PNRC2: variants seen among roughly 807,000 people sequenced by gnomAD.
The protein encoded by PNRC2 is proline rich nuclear receptor coactivator 2.
PNRC2 carries 2 observed loss-of-function variants against 12.2 expected under a neutral mutation model. That is an observed-to-expected ratio of 0.16 (90% CI 0.07 to 0.52). PNRC2 has a LOEUF of 0.52. PNRC2 is among the 20% of genes least tolerant of loss of function. PNRC2 has a pLI of 0.95. For missense variants in PNRC2, 115 were observed against 158.4 expected, an observed-to-expected ratio of 0.73 and a Z score of 1.47; for synonymous variants, 44 against 53.9, an observed-to-expected ratio of 0.82 and a Z score of 0.80.
intron 2 of PNRC2, 23 bp from the exon 3 acceptor site, chr1:23,961,417 T>C: frequency 6.7e-7 from 1 of 1,489,656 alleles, no homozygotes; most frequent in Non-Finnish European, 9.0e-7. Context: ...TTTTACTCAA[T>C]ATTTGTTTCC....
In PNRC2 at chr1:23,961,762, C is replaced by T. The variant is rs773010998; in HGVS notation, c.305C>T (p.Pro102Leu). 6.2e-7 allele frequency: 1 copy of T among 1,613,960 alleles called. No individual in the cohort carries two copies. Among genetic ancestry groups the T allele is most frequent in the East Asian group, 2.2e-5 (1 of 44,890 alleles). Residue 102 changes from proline to leucine, a missense_variant, in exon 3 of 3, where the codon CCA (proline) becomes CTA (leucine). By Grantham distance (98) the Pro-to-Leu change is moderately conservative (BLOSUM62 -3). This residue lies in a region of PNRC2 where 17 missense variants were observed against 46.0 expected (regional missense o/e 0.37). Coordinates refer to ENST00000334351, the MANE Select transcript of PNRC2 (RefSeq NM_017761.4). ...GCTGGTGCCAAATTTAGTGAGCCGC[C>T]ATCACCAAGTGTTCTTCCCAAACCA... Reference protein sequence around the residue: ...NYAGAKFSEPPSPSVLPKPPS... With the variant: ...NYAGAKFSEPLSPSVLPKPPS...
intron 1 of PNRC2, among the ~76,000 whole-genome samples, 187 bp downstream of exon 1, chr1:23,960,185 C>G (rs1206673624): frequency 6.6e-6 from 1 of 152,140 alleles, no homozygotes; most frequent in Non-Finnish European, 1.5e-5. Flanking sequence ...GCCCTTGTGG[C>G]GTCGGAGGAG....
intron 1 of PNRC2, 149 bp from the exon 2 acceptor site, chr1:23,960,780 T>A: frequency 2.6e-6 from 1 of 383,516 alleles, no homozygotes; most frequent in Non-Finnish European, 4.6e-6. Flanking sequence ...GTCGTGGTTA[T>A]AAGGTCAAAG....
upstream of PNRC2, chr1:23,959,810 C>G (rs6693651): frequency 6.6e-6 from 1 of 152,288 alleles, no homozygotes; most frequent in East Asian, 1.9e-4. Context: ...CTTCTGCAGT[C>G]GCTGCCGACT....
At chr1:23,960,527 A>G (rs966896534) in intron 1 of PNRC2, among the ~76,000 whole-genome samples, 7 of 152,012 alleles carry the variant, frequency 4.6e-5, no homozygotes, top group Non-Finnish European at 8.8e-5. Context: ...TGGATGTGAC[A>G]TGTGTGGAAA....
chr1:23,963,438 C>T lies in PNRC2; in HGVS notation c.*1561C>T, dbSNP rs1641319085. On this transcript the variant is annotated 3_prime_UTR_variant, in exon 3 of 3. Transcript: ENST00000334351. ...CATAAAATTAAATAAAATTTTTCCC[C>T]ATTGGCTTGGTTTTATTTTAAAAAT... The T allele has an allele frequency of 6.0e-6, 1 of 165,342 alleles. No homozygotes were observed. The allele number at this position is 165,342 out of a possible 1,614,324, so 10.2% of individuals were successfully genotyped here.
chr1:23,961,303 T>C (rs1469590366), intron 2 of PNRC2, 137 bp from the exon 3 acceptor site: 7 of 602,194 alleles, frequency 1.2e-5, no homozygotes, highest in Non-Finnish European at 2.0e-5. Context: ...TTTTTGAGTT[T>C]AAAGCAGCTG....
chr1:23,961,361 G>T, intron 2 of PNRC2, 79 bp from the exon 3 acceptor site: 1 of 1,006,206 alleles, frequency 9.9e-7, no homozygotes, highest in African/African-American at 1.6e-5. Context: ...GTTATAAGTT[G>T]GAGCCATAGA....
At chr1:23,961,271 A>ATTGAAGTC (rs1236686827) in intron 2 of PNRC2, 137 bp downstream of exon 2, 5 of 542,864 alleles carry the variant, frequency 9.2e-6, no homozygotes, top group Non-Finnish European at 1.6e-5. Flanking sequence ...TTGTGCATAT[A>ATTGAAGTC]TTGAAGTCTG....
intron 1 of PNRC2, among the ~76,000 whole-genome samples, chr1:23,960,319 CTTA>C (rs1194548552): frequency 2.0e-5 from 3 of 152,226 alleles, no homozygotes; most frequent in Non-Finnish European, 2.9e-5. Context: ...TATTTGGTAA[CTTA>C]TTTTCTTGGA....
rs1323047561 is a variant in PNRC2 at position 23,962,880 on chromosome 1, CCTAGTGTAATAAGTTTT to C, written c.*1004_*1020del. 1 of 166,096 alleles carries C rather than the reference CCTAGTGTAATAAGTTTT, an allele frequency of 6.0e-6. No homozygotes were observed. Among genetic ancestry groups the C allele is most frequent in the Non-Finnish European group, 1.5e-5 (1 of 67,856 alleles). 10.3% of individuals were successfully genotyped at this position (166,096 alleles called of 1,614,324 possible). A position where few individuals can be genotyped will look rare whatever the true frequency, so the allele number is the denominator to read the frequency against. ...TTGTAAACTATATTTCAAAGTAAACCCTAGTGTAATAAGTTTTATAACTAAAAAGGTTTAAGCTGCTA... is the reference window on the plus strand; with the variant it reads ...TTGTAAACTATATTTCAAAGTAAACCATAACTAAAAAGGTTTAAGCTGCTA... On this transcript the variant is annotated 3_prime_UTR_variant, in exon 3 of 3. Transcript: ENST00000334351.
chr1:23,960,591 C>A (rs959405736), intron 1 of PNRC2, among the ~76,000 whole-genome samples: 5 of 152,210 alleles, frequency 3.3e-5, no homozygotes, highest in African/African-American at 1.2e-4. Flanking sequence ...GAAAATCCGC[C>A]TGAAGCCAAT....
At chr1:23,959,487 T>A (rs1641235789), upstream of PNRC2, among the ~76,000 whole-genome samples, 1 of 152,116 alleles carries the variant, frequency 6.6e-6, no homozygotes, top group East Asian at 1.9e-4. Context: ...GGTCAGTCTT[T>A]TCCCCCAGGG....
chr1:23,960,451 G>C (rs908430241), intron 1 of PNRC2, among the ~76,000 whole-genome samples: 1 of 152,152 alleles, frequency 6.6e-6, no homozygotes, highest in Non-Finnish European at 1.5e-5. Flanking sequence ...AGACGGGGAG[G>C]AGGCGAGAGC....
chr1:23,959,246 G>C (rs1444390233), upstream of PNRC2: 2 of 152,116 alleles, frequency 1.3e-5, no homozygotes, highest in East Asian at 3.9e-4. Context: ...TCACAGGGAG[G>C]CAACTTTTGA....
rs1010114899 is a variant in PNRC2, at chr1:23,962,338, T to G, written c.*461T>G. 9 of 170,562 alleles carry G rather than the reference T, an allele frequency of 5.3e-5. No individual in the cohort carries two copies. Among genetic ancestry groups the G allele is most frequent in the African/African-American group, 2.2e-4 (9 of 41,380 alleles). 10.6% of individuals were successfully genotyped at this position (170,562 alleles called of 1,614,324 possible). A position where few individuals can be genotyped will look rare whatever the true frequency, so the allele number is the denominator to read the frequency against. Reference sequence around the variant, plus strand: ...GAAAGAAAATGTGAATTTTTCGTAATAATTGCATTTTAGTGAATTGTACAG... The same window carrying G: ...GAAAGAAAATGTGAATTTTTCGTAAGAATTGCATTTTAGTGAATTGTACAG... On this transcript the variant is annotated 3_prime_UTR_variant, in exon 3 of 3. Coordinates refer to ENST00000334351, the MANE Select transcript of PNRC2 (RefSeq NM_017761.4).
In PNRC2 at chr1:23,963,088, T is replaced by G. The variant is rs922931458; in HGVS notation, c.*1211T>G. On this transcript the variant is annotated 3_prime_UTR_variant, in exon 3 of 3. Coordinates refer to ENST00000334351, the MANE Select transcript of PNRC2 (RefSeq NM_017761.4). ...AGTATGGTGCCAGTGATGTTTTGTTTTTGTTTGGTCAAGGGGTAGGTGCAA... is the reference window on the plus strand; with the variant it reads ...AGTATGGTGCCAGTGATGTTTTGTTGTTGTTTGGTCAAGGGGTAGGTGCAA... 3 of 167,134 alleles carry G rather than the reference T, an allele frequency of 1.8e-5. No individual in the cohort carries two copies. In the South Asian group the frequency reaches 6.2e-4, roughly 35 times the overall value. 10.4% of individuals were successfully genotyped at this position (167,134 alleles called of 1,614,324 possible). A position where few individuals can be genotyped will look rare whatever the true frequency, so the allele number is the denominator to read the frequency against.
chr1:23,961,551 C>G lies in PNRC2; in HGVS notation c.94C>G (p.Gln32Glu). Residue 32 changes from glutamine to glutamate, a missense_variant, in exon 3 of 3, where the codon CAG becomes GAG. Coordinates refer to ENST00000334351, the MANE Select transcript of PNRC2 (RefSeq NM_017761.4). ...GCTTAACAGACAGAAGACCAAGGAA[C>G]AGAATTCCCAGATGAAGATTGTTCA... ...QQLNRQKTKEQNSQMKIVHKK... is the reference protein window; with the variant it reads ...QQLNRQKTKEENSQMKIVHKK... The G allele has an allele frequency of 6.2e-7, 1 of 1,613,414 alleles. No homozygotes were observed.
rs1641266323 is a variant in PNRC2, at chr1:23,960,946, C to T, written c.-207C>T. 2.5e-6 allele frequency: 1 copy of T among 398,986 alleles called. No homozygotes were observed. The highest frequency in any genetic ancestry group is 4.4e-5 in the Admixed American group (1 of 22,718). 24.7% of individuals were successfully genotyped at this position (398,986 alleles called of 1,614,324 possible). On this transcript the variant is annotated 5_prime_UTR_variant, in exon 2 of 3. Transcript: ENST00000334351. ...TTTTCTAGCTAGGACTTCTCTCAAA[C>T]TTGTGTGCTGAGGAGACTCAGATGT...
Sources: gnomAD v4.1 joint callset for allele counts (sites outside exome capture counted in the v4.1 genomes callset) on GRCh38, gnomAD v4.1.1 for gene constraint, gnomAD v4.1.1 regional missense constraint, MANE v1.5 for transcripts, NCBI Gene and HGNC (gene_info 2026-07-23, HGNC 2026-07-21) for gene names.